The following ARL17B variants were observed in gnomAD, a reference collection of about 807,000 sequenced individuals.
The protein encoded by ARL17B is ARF like GTPase 17B.
chr17:46,291,640 G>A (rs2050070048), intron 4 of ARL17B, among the ~76,000 whole-genome samples: 1 of 152,084 alleles, frequency 6.6e-6, no homozygotes, highest in Admixed American at 6.5e-5. Context: ...AGACAACCAG[G>A]GCCCATACGG....
chr17:46,277,070 G>T (rs2049610320), intron 4 of ARL17B, among the ~76,000 whole-genome samples: 2 of 152,162 alleles, frequency 1.3e-5, no homozygotes, highest in South Asian at 2.1e-4. Context: ...TTCTCAAAGT[G>T]TTGAGATCAC....
intron 4 of ARL17B, among the ~76,000 whole-genome samples, chr17:46,289,318 C>G (rs1436413877): frequency 1.3e-5 from 2 of 152,202 alleles, no homozygotes; most frequent in African/African-American, 4.8e-5. Context: ...CAAATAGCTA[C>G]AGGTGCTCAC....
At chr17:46,289,835 A>G (rs1299480935) in intron 4 of ARL17B, among the ~76,000 whole-genome samples, 22 of 152,170 alleles carry the variant, frequency 1.4e-4, no homozygotes, top group Non-Finnish European at 7.3e-5. Context: ...CTTTGAAAAA[A>G]TTCATCCAGC....
intron 3 of ARL17B, among the ~76,000 whole-genome samples, chr17:46,314,862 A>G (rs1041388885): frequency 2.5e-5 from 2 of 81,580 alleles, no homozygotes; most frequent in African/African-American, 6.3e-5. Context: ...AGAATAAGTT[A>G]GGAAATGTTC....
downstream of ARL17B, among the ~76,000 whole-genome samples, chr17:46,333,540 C>T (rs534458121): frequency 3.5e-3 from 148 of 42,178 alleles, 33 homozygotes; most frequent in African/African-American, 5.0e-3. Context: ...ACCTTACTTG[C>T]CTCATTTACC....
chr17:46,327,392 C>A, intron 3 of ARL17B, among the ~76,000 whole-genome samples: 1 of 35,034 alleles, frequency 2.9e-5, no homozygotes, highest in African/African-American at 6.8e-5. Context: ...GCCTGAGCAA[C>A]ATGGGGAAAC....
intron 4 of ARL17B, among the ~76,000 whole-genome samples, chr17:46,278,176 C>T (rs2049644881): frequency 6.6e-6 from 1 of 152,104 alleles, no homozygotes; most frequent in Admixed American, 6.5e-5. Flanking sequence ...GAACTCCTGA[C>T]CTCAGATGAT....
intron 3 of ARL17B, among the ~76,000 whole-genome samples, chr17:46,317,137 A>G (rs2051185368): frequency 1.1e-5 from 1 of 89,494 alleles, no homozygotes; most frequent in Non-Finnish European, 3.3e-5. Context: ...TACACCTCCC[A>G]GATGGGGTGG....
intron 4 of ARL17B, among the ~76,000 whole-genome samples, chr17:46,285,958 G>A: frequency 6.6e-6 from 1 of 152,238 alleles, no homozygotes; most frequent in Non-Finnish European, 1.5e-5. Context: ...AGTGGTGTGA[G>A]CACTGTCATG....
downstream of ARL17B, among the ~76,000 whole-genome samples, chr17:46,332,874 C>T (rs552142019): frequency 1.3e-5 from 2 of 150,466 alleles, no homozygotes; most frequent in South Asian, 4.2e-4. Flanking sequence ...TGAATTGAAA[C>T]CAAGTGAATC....
chr17:46,284,042 G>A (rs2049842298), intron 4 of ARL17B, among the ~76,000 whole-genome samples: 1 of 152,198 alleles, frequency 6.6e-6, no homozygotes. Context: ...CATACAATCG[G>A]GTTTTATACC....
chr17:46,323,709 AT>A (rs1477831861), intron 3 of ARL17B, among the ~76,000 whole-genome samples: 1 of 103,980 alleles, frequency 9.6e-6, no homozygotes, highest in Non-Finnish European at 2.3e-5. Flanking sequence ...ACTCAGTAGA[AT>A]TTTTTTTGAG....
Position 46,316,517 on chromosome 17 carries a change from C to T in ARL17B, c.260-16852G>A, listed in dbSNP as rs1050856448. On this transcript the variant is annotated intron_variant, in intron 3 of 4. Transcript: ENST00000434041. ...GGTGCAACCACTCACAACGTTGCAG[C>T]CTCCACCTCCCAGGCTTAAGCAATG... Among the ~76,000 whole-genome samples the T allele has an allele frequency of 5.5e-5, 3 of 54,496 alleles. 1 individual carries two copies. The highest frequency in any genetic ancestry group is 1.4e-4 in the African/African-American group (3 of 21,006). 35.8% of individuals were successfully genotyped at this position (54,496 alleles called of 152,430 possible). A position where few individuals can be genotyped will look rare whatever the true frequency, so the allele number is the denominator to read the frequency against.
chr17:46,277,950 T>A (rs1340139225), intron 4 of ARL17B, among the ~76,000 whole-genome samples: 1 of 111,964 alleles, frequency 8.9e-6, no homozygotes, highest in Non-Finnish European at 2.4e-5. Context: ...TCTGGGTAGA[T>A]TTTTTTTCTT....
rs879436070 is a variant in ARL17B, at chr17:46,326,631, C to G, written c.259+26189G>C. Reference sequence around the variant, plus strand: ...TTATAGTTAACTCTTATTGAGCACTCACTGTGCACCAGGCATTTTTCAGGT... The same window carrying G: ...TTATAGTTAACTCTTATTGAGCACTGACTGTGCACCAGGCATTTTTCAGGT... On this transcript the variant is annotated intron_variant, in intron 3 of 4. Transcript: ENST00000434041. Among the ~76,000 whole-genome samples, 14 of 2,294 alleles carry G rather than the reference C, an allele frequency of 6.1e-3. 1 individual carries two copies. Among genetic ancestry groups the G allele is most frequent in the African/African-American group, 0.028 (9 of 324 alleles). 1.5% of individuals were successfully genotyped at this position (2,294 alleles called of 152,430 possible).
intron 4 of ARL17B, among the ~76,000 whole-genome samples, chr17:46,278,236 A>G (rs2696532): frequency 0.14 from 21,252 of 151,550 alleles, 1,642 homozygotes; most frequent in Non-Finnish European, 0.21. Context: ...ATAAGCCACC[A>G]TGCCCAGCCT....
chr17:46,274,801 A>G (rs1421660079), exon 5 of ARL17B: 1 of 152,374 alleles, frequency 6.6e-6, no homozygotes, highest in Non-Finnish European at 1.5e-5. Flanking sequence ...TTTTTAATAA[A>G]CAAAATTTTC....
intron 4 of ARL17B, among the ~76,000 whole-genome samples, chr17:46,279,806 C>T (rs113130019): frequency 0.12 from 17,421 of 150,550 alleles, no homozygotes; most frequent in Non-Finnish European, 0.18. Context: ...ACAGGCCCTC[C>T]TACACAACTT....
chr17:46,317,196 G>C (rs3096456), intron 3 of ARL17B, among the ~76,000 whole-genome samples: 1 of 59,000 alleles, frequency 1.7e-5, no homozygotes, highest in African/African-American at 4.1e-5. Flanking sequence ...TGCCCAGTTA[G>C]TTTTAAATTT....
Sources: allele counts gnomAD v4.1 joint callset (sites outside exome capture counted in the v4.1 genomes callset), GRCh38; gene constraint gnomAD v4.1.1; transcripts MANE v1.5; gene names NCBI Gene and HGNC (gene_info 2026-07-23, HGNC 2026-07-21).